NALCN: variants seen among roughly 807,000 people sequenced by gnomAD.
NALCN encodes sodium leak channel, non-selective, also known as sodium leak channel NALCN.
Under a neutral mutation model 225.3 loss-of-function variants are expected in NALCN, and 111 were observed. That is an observed-to-expected ratio of 0.49 (90% CI 0.42 to 0.58). The LOEUF (loss-of-function observed/expected upper bound fraction) is 0.58. Among genes scored for constraint, NALCN ranks in the 20% least tolerant of loss-of-function variants. NALCN has a pLI of 0.00. For synonymous variants in NALCN, 764 were observed against 769.0 expected (o/e 0.99, Z 0.11); for missense variants, 1,378 against 2,202.4 (o/e 0.63, Z 7.49).
At chr13:101,166,359 T>A (rs1020300404) in intron 15 of NALCN, among the ~76,000 whole-genome samples, 2 of 151,954 alleles carry the variant, frequency 1.3e-5, no homozygotes, top group Non-Finnish European at 2.9e-5. Context: ...TACATTCTCA[T>A]CAACAAAGTA....
intron 14 of NALCN, among the ~76,000 whole-genome samples, chr13:101,178,063 G>A (rs1009925596): frequency 6.6e-6 from 1 of 152,140 alleles, no homozygotes; most frequent in African/African-American, 2.4e-5. Context: ...CTGGGCATCA[G>A]GCTTATTCTG....
At position 101,327,964 on chromosome 13, in the gene NALCN, G is replaced by A. The variant is rs1173134595; in HGVS notation, c.799+17302C>T. Reference sequence around the variant, plus strand: ...GTTGGAACTACTGAACTTTTCTGCTGTTGGAGAAAAGCAGCCACAGACCAT... The same window carrying A: ...GTTGGAACTACTGAACTTTTCTGCTATTGGAGAAAAGCAGCCACAGACCAT... On this transcript the variant is annotated intron_variant, in intron 7 of 43. Transcript: ENST00000251127. Among the ~76,000 whole-genome samples the A allele has an allele frequency of 4.6e-5, 7 of 152,272 alleles. 1 individual carries two copies. In the East Asian group the frequency reaches 9.7e-4, roughly 21 times the overall value.
chr13:101,199,930 C>A (rs991605000), intron 13 of NALCN, among the ~76,000 whole-genome samples: 3 of 152,076 alleles, frequency 2.0e-5, no homozygotes, highest in African/African-American at 7.2e-5. Context: ...CAATGCCAGC[C>A]CTTTGCATGC....
At chr13:101,127,448 C>T (rs1390831838) in intron 17 of NALCN, among the ~76,000 whole-genome samples, 2 of 151,994 alleles carry the variant, frequency 1.3e-5, no homozygotes, top group Non-Finnish European at 2.9e-5. Context: ...AACCTCCGCC[C>T]CCTGGGTTCA....
At chr13:101,333,879 A>C (rs149186309) in intron 7 of NALCN, among the ~76,000 whole-genome samples, 12 of 152,324 alleles carry the variant, frequency 7.9e-5, no homozygotes, top group Non-Finnish European at 1.5e-4. Flanking sequence ...TCACGTGAGT[A>C]TCTGGCTTAA....
Position 101,149,311 on chromosome 13 carries a change from A to T in NALCN, c.1840-4415T>A, listed in dbSNP as rs570729800. Among the ~76,000 whole-genome samples, 473 of 151,686 alleles carry T rather than the reference A, an allele frequency of 3.1e-3. 2 individuals are homozygous for T. The highest frequency in any genetic ancestry group is 0.011 in the African/African-American group (462 of 41,348). Reference sequence around the variant, plus strand: ...GTCTCAAAAAAAAAAAAAAAAAATTATAAAGGGACATGTTGGAGAAATGGC... The same window carrying T: ...GTCTCAAAAAAAAAAAAAAAAAATTTTAAAGGGACATGTTGGAGAAATGGC... On this transcript the variant is annotated intron_variant, in intron 15 of 43. Transcript: ENST00000251127.
At chr13:101,388,527 G>T (rs926182973) in intron 3 of NALCN, among the ~76,000 whole-genome samples, 1 of 152,022 alleles carries the variant, frequency 6.6e-6, no homozygotes, top group Non-Finnish European at 1.5e-5. Flanking sequence ...AAAACGATTT[G>T]GTCCTAAGTC....
chr13:101,150,354 C>G (rs988425389), intron 15 of NALCN, among the ~76,000 whole-genome samples: 11 of 152,130 alleles, frequency 7.2e-5, no homozygotes, highest in African/African-American at 2.4e-4. Flanking sequence ...GTATACTATA[C>G]CTCTTTCTAT....
chr13:101,130,207 A>G (rs896996451), intron 17 of NALCN, among the ~76,000 whole-genome samples: 2 of 136,638 alleles, frequency 1.5e-5, no homozygotes, highest in African/African-American at 6.4e-5. Flanking sequence ...GGATGCCAGA[A>G]TTAGATTGTC....
intron 6 of NALCN, 110 bp downstream of exon 6, chr13:101,376,590 A>G: frequency 9.7e-7 from 1 of 1,028,004 alleles, no homozygotes; most frequent in Non-Finnish European, 1.4e-6. Context: ...CAGAACAAAG[A>G]GGACATAAGC....
chr13:101,112,932 T>C (rs2035523555), intron 18 of NALCN, among the ~76,000 whole-genome samples: 1 of 152,094 alleles, frequency 6.6e-6, no homozygotes, highest in Non-Finnish European at 1.5e-5. Flanking sequence ...ATACATCATA[T>C]AAGAACTTAT....
At chr13:101,182,281 ACTC>A (rs1237078999) in intron 14 of NALCN, among the ~76,000 whole-genome samples, 2 of 151,942 alleles carry the variant, frequency 1.3e-5, no homozygotes, top group Non-Finnish European at 2.9e-5. Context: ...AGCTGCACTG[ACTC>A]CTCAAGGCAG....
chr13:101,258,680 C>T, intron 10 of NALCN, 106 bp from the exon 11 acceptor site: 1 of 1,465,208 alleles, frequency 6.8e-7, no homozygotes, highest in African/African-American at 1.4e-5. Context: ...TGCTGCTATG[C>T]AAAACAGGGC....
chr13:101,107,818 A>G (rs779242385), intron 20 of NALCN, 29 bp from the exon 21 acceptor site: 1 of 1,586,284 alleles, frequency 6.3e-7, no homozygotes, highest in Admixed American at 1.8e-5. Context: ...GGGGTGTGTT[A>G]AAACAGGAGG....
At chr13:101,152,592 G>GA (rs528518997) in intron 15 of NALCN, among the ~76,000 whole-genome samples, 68 of 147,572 alleles carry the variant, frequency 4.6e-4, no homozygotes, top group South Asian at 1.1e-3. Flanking sequence ...ATTAGTAAAA[G>GA]AAAAAAAAAA....
At chr13:101,302,950 C>T (rs970378740) in intron 7 of NALCN, among the ~76,000 whole-genome samples, 4 of 151,944 alleles carry the variant, frequency 2.6e-5, no homozygotes, top group African/African-American at 9.7e-5. Context: ...AATTAAAAAT[C>T]ATTTTTCATG....
intron 11 of NALCN, among the ~76,000 whole-genome samples, chr13:101,240,808 T>C (rs1013142663): frequency 4.5e-4 from 68 of 152,270 alleles, no homozygotes; most frequent in African/African-American, 1.6e-3. Context: ...ACTGAGGCAA[T>C]GAAATATAAC....
chr13:101,283,906 A>AT (rs2043251591), intron 10 of NALCN, 27 bp downstream of exon 10: 1 of 1,570,248 alleles, frequency 6.4e-7, no homozygotes, highest in South Asian at 1.2e-5. Context: ...TTGCTGGGCG[A>AT]TTTTTAAAAA....
chr13:101,361,765 C>T (rs1023349243), intron 6 of NALCN, among the ~76,000 whole-genome samples: 10 of 152,114 alleles, frequency 6.6e-5, no homozygotes, highest in Non-Finnish European at 1.5e-4. Flanking sequence ...TTATTTACCA[C>T]TAAAAATAAG....
Sources: allele counts gnomAD v4.1 joint callset (sites outside exome capture counted in the v4.1 genomes callset), GRCh38; gene constraint gnomAD v4.1.1; transcripts MANE v1.5; gene names NCBI Gene and HGNC (gene_info 2026-07-23, HGNC 2026-07-21).